DNAJC6: variants seen among roughly 807,000 people sequenced by gnomAD.
DNAJC6 encodes the protein auxilin.
In DNAJC6, 34 loss-of-function variants were observed where a neutral mutation model predicts 110.0. That is an observed-to-expected ratio of 0.31 (90% confidence interval 0.24 to 0.41). The LOEUF is 0.41. DNAJC6 is among the 10% of genes least tolerant of loss of function. The pLI is 1.00. For synonymous variants in DNAJC6, 406 were observed against 437.2 expected, an observed-to-expected ratio of 0.93 and a Z score of 0.89; for missense variants, 1,031 against 1,207.8, an observed-to-expected ratio of 0.85 and a Z score of 2.17.
intron 1 of DNAJC6, among the ~76,000 whole-genome samples, chr1:65,268,798 T>C (rs1653416781): frequency 6.6e-6 from 1 of 152,214 alleles, no homozygotes; most frequent in Non-Finnish European, 1.5e-5. Flanking sequence ...TTAGGTTGTT[T>C]TTATTTGGAA....
At chr1:65,302,496 C>G (rs1348848935) in intron 1 of DNAJC6, among the ~76,000 whole-genome samples, 1 of 145,804 alleles carries the variant, frequency 6.9e-6, no homozygotes, top group African/African-American at 2.5e-5. Context: ...TTGCCTCCCC[C>G]TTAACCCCCT....
At chr1:65,319,917 TCTC>T (rs1246711634) in intron 1 of DNAJC6, among the ~76,000 whole-genome samples, 2 of 152,074 alleles carry the variant, frequency 1.3e-5, no homozygotes, top group African/African-American at 4.8e-5. Context: ...GCTCCCCTCT[TCTC>T]TTTTCTCCTC....
intron 1 of DNAJC6, among the ~76,000 whole-genome samples, chr1:65,363,835 G>A (rs772440607): frequency 3.3e-5 from 5 of 152,096 alleles, no homozygotes; most frequent in African/African-American, 7.2e-5. Flanking sequence ...GCCAAAAAGC[G>A]CAATTTTAAG....
chr1:65,400,978 A>G (rs972518425), intron 14 of DNAJC6, among the ~76,000 whole-genome samples: 2 of 152,102 alleles, frequency 1.3e-5, no homozygotes, highest in African/African-American at 2.4e-5. Flanking sequence ...CATCCTTGCC[A>G]ACATGTTTTT....
intron 1 of DNAJC6, among the ~76,000 whole-genome samples, chr1:65,350,976 T>C (rs1645485575): frequency 6.6e-6 from 1 of 152,148 alleles, no homozygotes; most frequent in African/African-American, 2.4e-5. Context: ...GGACTCAGGG[T>C]GAATTTCCAT....
Position 65,390,507 on chromosome 1 carries a change from C to T in DNAJC6, c.1468+880C>T, listed in dbSNP as rs539011609. 2.0e-5 allele frequency among the ~76,000 whole-genome samples: 3 copies of T among 152,338 alleles called. No homozygotes were observed. In the East Asian group the frequency reaches 5.8e-4, roughly 29 times the overall value. On this transcript the variant is annotated intron_variant, in intron 11 of 18. Coordinates refer to ENST00000371069, the MANE Select transcript of DNAJC6 (RefSeq NM_001256864.2). ...TCAATATAACACTTCCAGCTGCTGC[C>T]AGCAGTAGCCTGACGTTGGCATCCT... is the stretch of plus-strand genomic sequence containing the variant.
intron 11 of DNAJC6, among the ~76,000 whole-genome samples, chr1:65,391,437 G>A (rs1474228762): frequency 2.0e-5 from 3 of 152,160 alleles, no homozygotes; most frequent in Admixed American, 6.5e-5. Flanking sequence ...CCCAGAGGAG[G>A]CCTCTTTCCT....
intron 1 of DNAJC6, among the ~76,000 whole-genome samples, chr1:65,350,949 G>T (rs764798186): frequency 1.3e-5 from 2 of 152,148 alleles, no homozygotes; most frequent in Non-Finnish European, 2.9e-5. Flanking sequence ...TATATTTACA[G>T]CCCAGACCTC....
intron 1 of DNAJC6, among the ~76,000 whole-genome samples, chr1:65,324,851 A>G (rs140134511): frequency 2.2e-4 from 34 of 152,298 alleles, no homozygotes; most frequent in Non-Finnish European, 4.0e-4. Context: ...CAAACATGCT[A>G]CAGTGTACAA....
At chr1:65,296,731 C>T (rs1169454352) in intron 1 of DNAJC6, among the ~76,000 whole-genome samples, 5 of 152,002 alleles carry the variant, frequency 3.3e-5, no homozygotes, top group East Asian at 3.9e-4. Context: ...GGATTAAAGG[C>T]GCACGCCACC....
chr1:65,342,393 G>A (rs371777945), intron 1 of DNAJC6, among the ~76,000 whole-genome samples: 2 of 152,122 alleles, frequency 1.3e-5, no homozygotes, highest in African/African-American at 4.8e-5. Flanking sequence ...ATAAAAGAGG[G>A]CCCCAGAGAA....
At chr1:65,368,135 G>A (rs1645667364) in intron 4 of DNAJC6, among the ~76,000 whole-genome samples, 1 of 152,132 alleles carries the variant, frequency 6.6e-6, no homozygotes, top group South Asian at 2.1e-4. Context: ...GAGAACCCAG[G>A]ACGTTCTAAA....
chr1:65,293,787 G>A (rs757045052), intron 1 of DNAJC6, among the ~76,000 whole-genome samples: 7 of 152,146 alleles, frequency 4.6e-5, no homozygotes, highest in Admixed American at 2.6e-4. Context: ...AGATATGCAC[G>A]TACAGAGGCA....
chr1:65,393,720 C>G (rs1645950976), intron 12 of DNAJC6, among the ~76,000 whole-genome samples: 1 of 152,150 alleles, frequency 6.6e-6, no homozygotes, highest in African/African-American at 2.4e-5. Flanking sequence ...TTAGCTGCCC[C>G]TTGGTCCTGT....
chr1:65,309,895 C>G lies in DNAJC6; in HGVS notation c.150C>G (p.Pro50=), dbSNP rs748705237. The change falls in exon 1 of 19, where the codon CCC becomes CCG. Residue 50 remains proline, a synonymous_variant. Transcript: ENST00000371069. ...ACGCCGGGGCAGCGGCGCGGAGTCCCGCCCGACAGCCTCCGGACCGCGCCA... is the reference window on the plus strand; with the variant it reads ...ACGCCGGGGCAGCGGCGCGGAGTCCGGCCCGACAGCCTCCGGACCGCGCCA... ...RVNAGAAARS[P]ARQPPDRAST... 6.5e-7 allele frequency: 1 copy of G among 1,541,430 alleles called. No homozygotes were observed. Among genetic ancestry groups the G allele is most frequent in the Non-Finnish European group, 8.8e-7 (1 of 1,142,366 alleles).
At chr1:65,333,066 A>G (rs1017115896) in intron 1 of DNAJC6, among the ~76,000 whole-genome samples, 2 of 152,100 alleles carry the variant, frequency 1.3e-5, no homozygotes, top group East Asian at 3.9e-4. Context: ...AGATTTGTAC[A>G]TTGTTCCAGT....
At chr1:65,323,009 A>G (rs1645210353) in intron 1 of DNAJC6, among the ~76,000 whole-genome samples, 1 of 152,234 alleles carries the variant, frequency 6.6e-6, no homozygotes, top group Non-Finnish European at 1.5e-5. Context: ...CATTGTTAAC[A>G]TTTAGGATAT....
chr1:65,282,316 A>T (rs1653879786), intron 1 of DNAJC6, among the ~76,000 whole-genome samples: 1 of 152,224 alleles, frequency 6.6e-6, no homozygotes, highest in African/African-American at 2.4e-5. Flanking sequence ...TAGCAGTAGA[A>T]TGCATTATCT....
intron 4 of DNAJC6, among the ~76,000 whole-genome samples, chr1:65,376,353 C>T (rs137950057): frequency 0.014 from 2,039 of 150,910 alleles, 29 homozygotes; most frequent in Non-Finnish European, 0.02. Flanking sequence ...TTTATTTTGT[C>T]GAAATTTTTT....
Sources: gnomAD v4.1 joint callset for allele counts (sites outside exome capture counted in the v4.1 genomes callset) on GRCh38, gnomAD v4.1.1 for gene constraint, MANE v1.5 for transcripts, NCBI Gene and HGNC (gene_info 2026-07-23, HGNC 2026-07-21) for gene names.